The following HIVEP1 variants were observed in gnomAD, a reference collection of about 807,000 sequenced individuals.
The protein encoded by HIVEP1 is zinc finger protein 40.
HIVEP1 carries 36 observed loss-of-function variants against 180.0 expected under a neutral mutation model. The ratio of observed to expected loss-of-function variants is 0.20; its 90% CI spans 0.15 to 0.26. The LOEUF (loss-of-function observed/expected upper bound fraction) is 0.26. Ranked by LOEUF, HIVEP1 falls within the 10% of genes least tolerant of loss-of-function variation. The pLI is 1.00. For synonymous variants in HIVEP1, 1,239 were observed against 1,239.0 expected (o/e 1.00, Z 0.00); for missense variants, 3,143 against 3,268.7 (o/e 0.96, Z 0.94).
intron 2 of HIVEP1, among the ~76,000 whole-genome samples, chr6:12,060,306 T>A (rs994232217): frequency 4.6e-5 from 7 of 152,240 alleles, no homozygotes; most frequent in Non-Finnish European, 8.8e-5. Context: ...AACTAGCCAT[T>A]ATATTTGCTT....
chr6:12,044,074 A>G (rs1395363941), intron 2 of HIVEP1, among the ~76,000 whole-genome samples: 1 of 152,130 alleles, frequency 6.6e-6, no homozygotes, highest in Admixed American at 6.5e-5. Context: ...AAGGCCCTGC[A>G]TGTGTAAATG....
At chr6:12,045,085 G>A (rs1024527435) in intron 2 of HIVEP1, among the ~76,000 whole-genome samples, 1 of 152,206 alleles carries the variant, frequency 6.6e-6, no homozygotes, top group African/African-American at 2.4e-5. Flanking sequence ...AGATCACCAG[G>A]GTGATGAAAC....
the HIVEP1 span, among the ~76,000 whole-genome samples, chr6:12,204,119 A>C: frequency 6.6e-6 from 1 of 152,060 alleles, no homozygotes; most frequent in East Asian, 1.9e-4. Context: ...TCAGGGGTTC[A>C]GAGAAAATCC....
At chr6:12,014,947 G>C (rs1183936443) in intron 1 of HIVEP1, among the ~76,000 whole-genome samples, 1 of 152,268 alleles carries the variant, frequency 6.6e-6, no homozygotes, top group African/African-American at 2.4e-5. Flanking sequence ...AGAGAGAGAA[G>C]AGCTCTGGAG....
At chr6:12,142,029 C>G (rs1431502201) in intron 7 of HIVEP1, among the ~76,000 whole-genome samples, 1 of 152,192 alleles carries the variant, frequency 6.6e-6, no homozygotes, top group Non-Finnish European at 1.5e-5. Flanking sequence ...CTGCACCAAG[C>G]AGACCTAAGA....
intron 3 of HIVEP1, among the ~76,000 whole-genome samples, chr6:12,102,020 G>C (rs554493397): frequency 6.6e-6 from 1 of 151,972 alleles, no homozygotes; most frequent in South Asian, 2.1e-4. Flanking sequence ...ATTTTCTAAT[G>C]ATGAAAGTGT....
At position 12,123,296 on chromosome 6, in the gene HIVEP1, A is replaced by G. The variant is rs755100668; in HGVS notation, c.3501A>G (p.Arg1167=). The part of the protein sequence containing the change: ...ASPVSFQELN[R]TGKSGSLKVI... Reference sequence around the variant, plus strand: ...CAGTTTCTTTCCAGGAGCTGAATAGAACGGGGAAGTCCGGGTCTCTAAAAG... The same window carrying G: ...CAGTTTCTTTCCAGGAGCTGAATAGGACGGGGAAGTCCGGGTCTCTAAAAG... The change falls in exon 4 of 9, where the codon AGA becomes AGG. Residue 1167 remains arginine (R), a synonymous_variant. Coordinates refer to ENST00000379388, the MANE Select transcript of HIVEP1 (RefSeq NM_002114.4). 5 of 1,614,062 alleles carry G rather than the reference A, an allele frequency of 3.1e-6. No individual in the cohort carries two copies. The African/African-American group carries it at 4.0e-5, about 13-fold the overall frequency.
the HIVEP1 span, among the ~76,000 whole-genome samples, chr6:12,178,266 C>T: frequency 5.5e-3 from 831 of 152,274 alleles, 4 homozygotes; most frequent in African/African-American, 0.019. Flanking sequence ...CGGGAAAAGT[C>T]AAATAACACA....
At chr6:12,158,385 T>C (rs1760185312) in intron 7 of HIVEP1, among the ~76,000 whole-genome samples, 1 of 152,160 alleles carries the variant, frequency 6.6e-6, no homozygotes, top group South Asian at 2.1e-4. Flanking sequence ...GTGTTTTGGC[T>C]GGGGGTTGGA....
At chr6:12,180,065 ATGTC>A in the HIVEP1 span, among the ~76,000 whole-genome samples, 3 of 152,212 alleles carry the variant, frequency 2.0e-5, no homozygotes, top group African/African-American at 7.2e-5. Flanking sequence ...AATTATTAAA[ATGTC>A]TGATCATTTA....
intron 2 of HIVEP1, among the ~76,000 whole-genome samples, chr6:12,073,349 A>C (rs1772114579): frequency 6.6e-6 from 1 of 152,192 alleles, no homozygotes; most frequent in Non-Finnish European, 1.5e-5. Flanking sequence ...TCTTCTACAC[A>C]AGCAGTTCAA....
At chr6:12,180,423 C>T in the HIVEP1 span, among the ~76,000 whole-genome samples, 2 of 152,128 alleles carry the variant, frequency 1.3e-5, no homozygotes, top group African/African-American at 4.8e-5. Flanking sequence ...TTCTTATAAA[C>T]TATAATTATA....
At chr6:12,086,829 T>C (rs1379072504) in intron 2 of HIVEP1, among the ~76,000 whole-genome samples, 1 of 152,112 alleles carries the variant, frequency 6.6e-6, no homozygotes, top group African/African-American at 2.4e-5. Context: ...GGTGAAAAAA[T>C]ATAAATAACG....
At chr6:12,206,864 G>C in the HIVEP1 span, among the ~76,000 whole-genome samples, 6 of 151,446 alleles carry the variant, frequency 4.0e-5, no homozygotes, top group Non-Finnish European at 5.9e-5. Flanking sequence ...CTTTGCCCCA[G>C]GAGTGGGTGA....
At chr6:12,211,415 GA>G in the HIVEP1 span, among the ~76,000 whole-genome samples, 3 of 33,694 alleles carry the variant, frequency 8.9e-5, no homozygotes, top group Admixed American at 4.6e-4. Flanking sequence ...AAAAAAAAAA[GA>G]AAAAGAAAAA....
chr6:12,115,750 A>C (rs559338235), intron 3 of HIVEP1, among the ~76,000 whole-genome samples: 1 of 152,126 alleles, frequency 6.6e-6, no homozygotes, highest in African/African-American at 2.4e-5. Flanking sequence ...AAGTATGTCT[A>C]AACTTAGTAA....
chr6:12,211,917 T>A, the HIVEP1 span, among the ~76,000 whole-genome samples: 57 of 152,154 alleles, frequency 3.7e-4, no homozygotes, highest in Non-Finnish European at 5.9e-4. Context: ...CTAAAAAAAA[T>A]TTTTTTTAAA....
chr6:12,065,966 G>A (rs563368420), intron 2 of HIVEP1, among the ~76,000 whole-genome samples: 1 of 152,254 alleles, frequency 6.6e-6, no homozygotes, highest in South Asian at 2.1e-4. Flanking sequence ...CCTGAAGTGC[G>A]AGGGTGCGGC....
intron 6 of HIVEP1, 98 bp from the exon 7 acceptor site, chr6:12,135,693 T>G (rs1419861258): frequency 5.3e-6 from 4 of 748,314 alleles, no homozygotes; most frequent in Middle Eastern, 2.6e-4. Context: ...GACCACAATC[T>G]GTACTTTTGC....
Sources: gnomAD v4.1 joint callset for allele counts (sites outside exome capture counted in the v4.1 genomes callset) on GRCh38, gnomAD v4.1.1 for gene constraint, MANE v1.5 for transcripts, NCBI Gene and HGNC (gene_info 2026-07-23, HGNC 2026-07-21) for gene names.